SULF1: variants seen among roughly 807,000 people sequenced by gnomAD.
SULF1 encodes sulfatase 1, also known as extracellular sulfatase Sulf-1.
SULF1 carries 46 observed loss-of-function variants against 110.5 expected under a neutral mutation model. The observed-to-expected ratio is 0.42, with a 90% CI of 0.33 to 0.53. The LOEUF (loss-of-function observed/expected upper bound fraction) is 0.53, where lower values mean the gene tolerates loss of function less well. Ranked by LOEUF, SULF1 falls within the 20% of genes least tolerant of loss-of-function variation. The pLI, the probability that SULF1 is intolerant of heterozygous loss-of-function variation, is 0.12. For missense variants in SULF1, 941 were observed against 1,094.2 expected, an observed-to-expected ratio of 0.86 and a Z score of 1.98; for synonymous variants, 371 against 387.1, an observed-to-expected ratio of 0.96 and a Z score of 0.49.
At chr8:69,656,339 G>T (rs917680214) in intron 22 of SULF1, among the ~76,000 whole-genome samples, 1 of 151,924 alleles carries the variant, frequency 6.6e-6, no homozygotes, top group East Asian at 1.9e-4. Flanking sequence ...TTAAGTTCTG[G>T]GATACATGTG....
Position 69,638,589 on chromosome 8 carries a change from G to C in SULF1, c.2372G>C (p.Cys791Ser), listed in dbSNP as rs987269771. 1 of 1,614,084 alleles carries C rather than the reference G, an allele frequency of 6.2e-7. No individual in the cohort carries two copies. Among genetic ancestry groups the C allele is most frequent in the Non-Finnish European group, 8.5e-7 (1 of 1,179,998 alleles). ...TVNETHNFLF[C>S]EFATGFLEYF... ...AATGAGACGCATAATTTTCTTTTCT[G>C]TGAGTTTGCTACTGGCTTTTTGGAG... The change falls in exon 20 of 23, where the codon TGT (cysteine) becomes TCT (serine). Residue 791 changes from cysteine (C) to serine (S), a missense_variant. By Grantham distance (112) the Cys-to-Ser change is moderately radical. Transcript: ENST00000402687.
rs1332646913 is a variant in SULF1 at position 69,492,897 on chromosome 8, G to A, written c.-619G>A. 6.5e-6 allele frequency: 1 copy of A among 152,748 alleles called. No homozygotes were observed. The highest frequency in any genetic ancestry group is 1.9e-4 in the East Asian group (1 of 5,164). 9.5% of individuals were successfully genotyped at this position (152,748 alleles called of 1,614,324 possible). On this transcript the variant is annotated 5_prime_UTR_variant, in exon 1 of 23. Transcript: ENST00000402687. ...GGCCGGTGTCGGGCCGGGGCGGCTTGATCGGCAACTAGGAAACCCCAGGCG... is the reference window on the plus strand; with the variant it reads ...GGCCGGTGTCGGGCCGGGGCGGCTTAATCGGCAACTAGGAAACCCCAGGCG...
chr8:69,600,857 A>G lies in SULF1; in HGVS notation c.885+104A>G, dbSNP rs1292417277. ...GGTTTTTTCCCCTTCATTTTCCAGC[A>G]TCATTTTGAGAGAGAAAGAAAGAGA... On this transcript the variant is annotated intron_variant, in intron 9 of 22. Coordinates refer to ENST00000402687, the MANE Select transcript of SULF1 (RefSeq NM_001128205.2). 7.0e-6 allele frequency: 9 copies of G among 1,280,818 alleles called. No individual in the cohort carries two copies. In the East Asian group the frequency reaches 2.1e-4, roughly 30 times the overall value. The allele number at this position is 1,280,818 out of a possible 1,614,324, so 79.3% of individuals were successfully genotyped here.
chr8:69,619,304 C>T (rs978293899), intron 13 of SULF1, among the ~76,000 whole-genome samples: 1 of 152,154 alleles, frequency 6.6e-6, no homozygotes, highest in Non-Finnish European at 1.5e-5. Context: ...TGTGATAACA[C>T]TATATTTTAA....
chr8:69,508,363 C>G (rs1036200136), intron 3 of SULF1, among the ~76,000 whole-genome samples: 23 of 152,162 alleles, frequency 1.5e-4, no homozygotes, highest in African/African-American at 5.3e-4. Flanking sequence ...CCTTGGCCTT[C>G]CAAAATGCTG....
At chr8:69,516,293 T>C (rs1300285167) in intron 3 of SULF1, among the ~76,000 whole-genome samples, 1 of 151,980 alleles carries the variant, frequency 6.6e-6, no homozygotes, top group Non-Finnish European at 1.5e-5. Flanking sequence ...CTTACAATCA[T>C]GGCAGAATGG....
intron 3 of SULF1, among the ~76,000 whole-genome samples, chr8:69,505,986 T>C (rs936053981): frequency 3.9e-5 from 6 of 152,128 alleles, no homozygotes; most frequent in Non-Finnish European, 2.9e-5. Flanking sequence ...ATTGCTTCTA[T>C]TTAACTATTG....
intron 3 of SULF1, among the ~76,000 whole-genome samples, chr8:69,523,106 G>A (rs930857839): frequency 5.3e-5 from 8 of 152,312 alleles, no homozygotes; most frequent in African/African-American, 1.9e-4. Flanking sequence ...TAAAAAAGAA[G>A]AGTATTGCTG....
intron 3 of SULF1, among the ~76,000 whole-genome samples, chr8:69,560,508 T>A (rs1434975111): frequency 6.6e-6 from 1 of 152,226 alleles, no homozygotes; most frequent in African/African-American, 2.4e-5. Flanking sequence ...GCAACTTATA[T>A]CCTGGTCTTG....
chr8:69,498,115 A>C (rs1410952625), intron 2 of SULF1, among the ~76,000 whole-genome samples: 5 of 25,402 alleles, frequency 2.0e-4, no homozygotes, highest in Non-Finnish European at 2.6e-4. Flanking sequence ...CTCTCTCTCC[A>C]CACACACACA....
chr8:69,639,872 T>G (rs1435974724), intron 21 of SULF1, among the ~76,000 whole-genome samples: 1 of 152,204 alleles, frequency 6.6e-6, no homozygotes, highest in Non-Finnish European at 1.5e-5. Flanking sequence ...CAAAGGCTTT[T>G]GAGTTCTGGG....
At chr8:69,645,438 C>T (rs1811820856) in intron 22 of SULF1, among the ~76,000 whole-genome samples, 1 of 152,162 alleles carries the variant, frequency 6.6e-6, no homozygotes, top group Non-Finnish European at 1.5e-5. Context: ...CCTCATTCAT[C>T]CATGCAACAT....
chr8:69,488,381 C>T (rs1032325848), upstream of SULF1, among the ~76,000 whole-genome samples: 2 of 152,174 alleles, frequency 1.3e-5, no homozygotes, highest in Non-Finnish European at 2.9e-5. Context: ...TACAGTTAAG[C>T]CATCTCAGGA....
At chr8:69,524,751 T>G (rs1453201792) in intron 3 of SULF1, among the ~76,000 whole-genome samples, 1 of 152,208 alleles carries the variant, frequency 6.6e-6, no homozygotes, top group Non-Finnish European at 1.5e-5. Flanking sequence ...TTTGCCAAAA[T>G]GAGATTCTTC....
intron 5 of SULF1, among the ~76,000 whole-genome samples, chr8:69,571,671 T>C (rs887074965): frequency 6.6e-6 from 1 of 152,238 alleles, no homozygotes; most frequent in Non-Finnish European, 1.5e-5. Flanking sequence ...GCCCTTCCAC[T>C]TATCGGACAG....
chr8:69,622,381 C>T (rs188027034), intron 14 of SULF1, among the ~76,000 whole-genome samples: 2 of 152,204 alleles, frequency 1.3e-5, no homozygotes, highest in Admixed American at 1.3e-4. Flanking sequence ...GGGTTCCAGA[C>T]CAGCCTGACC....
At chr8:69,491,381 TA>T (rs1432227948), upstream of SULF1, among the ~76,000 whole-genome samples, 2 of 152,202 alleles carry the variant, frequency 1.3e-5, no homozygotes, top group African/African-American at 4.8e-5. Context: ...AGTTCCTCCA[TA>T]AAATCAGTCC....
At chr8:69,625,498 C>G (rs1257075630) in intron 15 of SULF1, among the ~76,000 whole-genome samples, 1 of 152,210 alleles carries the variant, frequency 6.6e-6, no homozygotes, top group Non-Finnish European at 1.5e-5. Context: ...TCTGTCCCTT[C>G]TGATGTTCAG....
At chr8:69,523,260 A>C (rs377035399) in intron 3 of SULF1, among the ~76,000 whole-genome samples, 1 of 152,116 alleles carries the variant, frequency 6.6e-6, no homozygotes, top group African/African-American at 2.4e-5. Flanking sequence ...CGGGTGAACA[A>C]GTTGAGGAGT....
Sources: gnomAD v4.1 joint callset for allele counts (sites outside exome capture counted in the v4.1 genomes callset) on GRCh38, gnomAD v4.1.1 for gene constraint, MANE v1.5 for transcripts, NCBI Gene and HGNC (gene_info 2026-07-23, HGNC 2026-07-21) for gene names.